Variants in THSD7B observed in about 807,000 individuals in gnomAD.
The protein encoded by THSD7B is thrombospondin type 1 domain containing 7B, also known as thrombospondin type-1 domain-containing protein 7B.
In THSD7B, 138 loss-of-function variants were observed where a neutral mutation model predicts 213.6. The ratio of observed to expected loss-of-function variants is 0.65; its 90% CI spans 0.56 to 0.74. THSD7B has a LOEUF of 0.74. THSD7B is among the 30% of genes least tolerant of loss of function. The pLI, the probability that THSD7B is intolerant of heterozygous loss-of-function variation, is 0.00. For missense variants in THSD7B, 1,931 were observed against 1,991.5 expected (o/e 0.97, Z 0.58); for synonymous variants, 742 against 687.0 (o/e 1.08, Z -1.25).
intron 3 of THSD7B, among the ~76,000 whole-genome samples, chr2:137,074,364 T>A (rs1181664764): frequency 6.6e-6 from 1 of 152,174 alleles, no homozygotes; most frequent in Non-Finnish European, 1.5e-5. Flanking sequence ...TCTTTTGATC[T>A]TTGTTGGTTT....
chr2:137,090,332 A>G (rs1035260611), intron 3 of THSD7B, among the ~76,000 whole-genome samples: 1 of 152,050 alleles, frequency 6.6e-6, no homozygotes, highest in African/African-American at 2.4e-5. Flanking sequence ...ATGTAAGGAA[A>G]TTTGAACCAA....
chr2:137,546,417 A>ATATATATAT lies in THSD7B; in HGVS notation c.3139-16797_3139-16796insATTATATAT, dbSNP rs1680722847. Among the ~76,000 whole-genome samples the ATATATATAT allele has an allele frequency of 2.3e-3, 68 of 29,840 alleles. 7 individuals are homozygous for ATATATATAT. The highest frequency in any genetic ancestry group is 0.027 in the Middle Eastern group (2 of 74). The allele number at this position is 29,840 out of a possible 152,430, so 19.6% of individuals were successfully genotyped here. The stretch of plus-strand genomic sequence containing the variant: ...ATATTATATATATTATATATATATT[A>ATATATATAT]TATATATTATATATATATTATATAT... On this transcript the variant is annotated intron_variant, in intron 15 of 27. Transcript: ENST00000409968.
chr2:136,968,302 T>C (rs189042260), intron 2 of THSD7B, among the ~76,000 whole-genome samples: 6 of 152,286 alleles, frequency 3.9e-5, no homozygotes, highest in Admixed American at 3.3e-4. Flanking sequence ...TTAATTTTTA[T>C]TTTGTTTATG....
chr2:136,889,794 A>C lies in THSD7B; in HGVS notation c.139+7477A>C, dbSNP rs139384864. 6.0e-4 allele frequency among the ~76,000 whole-genome samples: 92 copies of C among 152,232 alleles called. 2 individuals are homozygous for C. In the East Asian group the frequency reaches 0.017, roughly 28 times the overall value. ...TCCTGTCCCCCTGCACAGCCTGCATAGTCATCATCTGTGGAACATCCTTTT... is the reference window on the plus strand; with the variant it reads ...TCCTGTCCCCCTGCACAGCCTGCATCGTCATCATCTGTGGAACATCCTTTT... On this transcript the variant is annotated intron_variant, in intron 2 of 27. Transcript: ENST00000409968.
intron 1 of THSD7B, among the ~76,000 whole-genome samples, chr2:136,823,266 G>A (rs1682594325): frequency 6.6e-6 from 1 of 152,172 alleles, no homozygotes. Flanking sequence ...ATTCTTCTAC[G>A]ATGTGGGCCA....
intron 6 of THSD7B, among the ~76,000 whole-genome samples, chr2:137,169,430 G>A (rs1680199722): frequency 6.6e-6 from 1 of 151,766 alleles, no homozygotes. Context: ...ATACCTTGAG[G>A]TGTGTAACTT....
At chr2:136,819,790 T>G (rs1682540843) in intron 1 of THSD7B, among the ~76,000 whole-genome samples, 1 of 152,108 alleles carries the variant, frequency 6.6e-6, no homozygotes, top group Non-Finnish European at 1.5e-5. Context: ...ATTTTAGAAG[T>G]GTAGGGAGTT....
At chr2:136,827,274 G>A (rs1682663390) in intron 1 of THSD7B, among the ~76,000 whole-genome samples, 1 of 152,156 alleles carries the variant, frequency 6.6e-6, no homozygotes, top group Admixed American at 6.5e-5. Context: ...ACAATACTTA[G>A]AAAACTCACA....
At chr2:137,317,119 T>C (rs1017481045) in intron 12 of THSD7B, among the ~76,000 whole-genome samples, 3 of 152,134 alleles carry the variant, frequency 2.0e-5, no homozygotes, top group Non-Finnish European at 2.9e-5. Context: ...GAGACAAATT[T>C]TTTGTATATC....
chr2:137,197,304 G>T (rs1192370449), intron 7 of THSD7B, among the ~76,000 whole-genome samples: 2 of 152,250 alleles, frequency 1.3e-5, no homozygotes, highest in East Asian at 3.9e-4. Flanking sequence ...AGAAGTTGGA[G>T]GAGGGAGATG....
At chr2:137,175,175 T>C (rs1680336214) in intron 7 of THSD7B, among the ~76,000 whole-genome samples, 2 of 152,112 alleles carry the variant, frequency 1.3e-5, no homozygotes, top group African/African-American at 4.8e-5. Flanking sequence ...GAAGACTCCA[T>C]GGGGTCATTG....
Position 137,371,364 on chromosome 2 carries a change from T to G in THSD7B, c.2501-34249T>G, listed in dbSNP as rs144740036. ...TTGAATAATATGGTGAGGTATAAAATTCTAAGTCGGACACAGTTTTCCTTC... is the reference window on the plus strand; with the variant it reads ...TTGAATAATATGGTGAGGTATAAAAGTCTAAGTCGGACACAGTTTTCCTTC... On this transcript the variant is annotated intron_variant, in intron 12 of 27. Coordinates refer to ENST00000409968, the MANE Select transcript of THSD7B (RefSeq NM_001316349.2). Among the ~76,000 whole-genome samples the G allele has an allele frequency of 5.1e-3, 775 of 152,308 alleles. 4 individuals carry two copies. Among genetic ancestry groups the G allele is most frequent in the African/African-American group, 0.018 (736 of 41,576 alleles).
chr2:136,916,375 T>G (rs1310230352), intron 2 of THSD7B, among the ~76,000 whole-genome samples: 1 of 152,300 alleles, frequency 6.6e-6, no homozygotes, highest in African/African-American at 2.4e-5. Context: ...GTAAAAATAA[T>G]GGCATTCCTG....
intron 3 of THSD7B, among the ~76,000 whole-genome samples, chr2:137,084,504 A>C (rs1472038247): frequency 6.6e-6 from 1 of 152,202 alleles, no homozygotes; most frequent in Non-Finnish European, 1.5e-5. Context: ...CTTCCATGGC[A>C]CATAGGAAGA....
chr2:137,039,611 G>A (rs1573782747), intron 2 of THSD7B, among the ~76,000 whole-genome samples: 1 of 152,238 alleles, frequency 6.6e-6, no homozygotes, highest in Admixed American at 6.5e-5. Context: ...ATTCATTCAG[G>A]TCCCTCCATG....
chr2:137,276,138 A>T, intron 12 of THSD7B, 112 bp downstream of exon 12: 1 of 772,742 alleles, frequency 1.3e-6, no homozygotes, highest in East Asian at 2.8e-5. Context: ...ATTGGCTTGA[A>T]TTATTCATAT....
At chr2:137,344,780 A>G (rs1000903889) in intron 12 of THSD7B, among the ~76,000 whole-genome samples, 10 of 151,694 alleles carry the variant, frequency 6.6e-5, no homozygotes, top group Admixed American at 5.9e-4. Context: ...GGGCAAATAA[A>G]AGGGTGGTTA....
intron 27 of THSD7B, among the ~76,000 whole-genome samples, chr2:137,670,280 G>C (rs1468244910): frequency 6.6e-6 from 1 of 152,084 alleles, no homozygotes; most frequent in African/African-American, 2.4e-5. Context: ...CCTACTCATA[G>C]ATGAGCTCTG....
At chr2:137,077,643 A>C (rs1466281057) in intron 3 of THSD7B, among the ~76,000 whole-genome samples, 1 of 152,050 alleles carries the variant, frequency 6.6e-6, no homozygotes, top group African/African-American at 2.4e-5. Context: ...GTGTCTGTTC[A>C]TATCCTTCGC....
Sources: allele counts gnomAD v4.1 joint callset (sites outside exome capture counted in the v4.1 genomes callset), GRCh38; gene constraint gnomAD v4.1.1; transcripts MANE v1.5; gene names NCBI Gene and HGNC (gene_info 2026-07-23, HGNC 2026-07-21).